The following TBC1D2B variants were observed in gnomAD, a reference collection of about 807,000 sequenced individuals.
The protein encoded by TBC1D2B is TBC1 domain family member 2B, also known as TBC1 domain family, member 2B.
A neutral mutation model predicts 100.8 loss-of-function variants in TBC1D2B; 64 were observed. That is an observed-to-expected ratio of 0.64 (90% CI 0.52 to 0.78). The LOEUF (loss-of-function observed/expected upper bound fraction) is 0.78, where lower values mean the gene tolerates loss of function less well. Among genes scored for constraint, TBC1D2B ranks in the 30% least tolerant of loss-of-function variants. The probability of loss-of-function intolerance (pLI) is 0.00; values close to 1 mark genes in which losing one functional copy is unlikely to be tolerated. For synonymous variants in TBC1D2B, 480 were observed against 479.7 expected (o/e 1.00, Z -0.01); for missense variants, 1,052 against 1,218.4 (o/e 0.86, Z 2.03).
At chr15:78,021,325 C>T (rs1365452598) in intron 6 of TBC1D2B, among the ~76,000 whole-genome samples, 1 of 151,660 alleles carries the variant, frequency 6.6e-6, no homozygotes, top group Non-Finnish European at 1.5e-5. Flanking sequence ...ATAAATATAT[C>T]TTAAATATAT....
rs1351526458 is a variant in TBC1D2B at position 78,077,277 on chromosome 15, G to A, written c.360+16C>T. ...CGGCGGAAGCGCGCGGGCGGCTTTG[G>A]GGCGAGCGGTCCCACCTTGAGCACC... On this transcript the variant is annotated intron_variant, in intron 1 of 12. Transcript: ENST00000300584. 6.9e-7 allele frequency: 1 copy of A among 1,452,424 alleles called. No individual in the cohort carries two copies. 90.0% of individuals were successfully genotyped at this position (1,452,424 alleles called of 1,614,324 possible).
At position 78,030,046 on chromosome 15, in the gene TBC1D2B, G is replaced by A; in HGVS notation, c.808C>T (p.Gln270Ter). 1 of 1,613,140 alleles carries A rather than the reference G, an allele frequency of 6.2e-7. No homozygotes were observed. The highest frequency in any genetic ancestry group is 8.5e-7 in the Non-Finnish European group (1 of 1,179,526). Residue 270 changes from glutamine (Q) to a stop codon, truncating the protein, a stop_gained, in exon 4 of 13, where the codon CAG (glutamine) becomes TAG (stop). Coordinates refer to ENST00000300584, the MANE Select transcript of TBC1D2B (RefSeq NM_144572.2). LOFTEE classifies it high-confidence loss of function. ...GGGGTCAGCTTCTTCTTTTCTTCCT[G>A]TACTATGGACTCCTCTAGGTCCTTA... ...TPKDLEESIV[Q>*]EEKKKLTPEG... is the part of the protein sequence containing the mutation.
chr15:78,024,085 G>A (rs1189928695), intron 6 of TBC1D2B, 71 bp downstream of exon 6: 13 of 1,505,684 alleles, frequency 8.6e-6, no homozygotes, highest in Middle Eastern at 4.4e-4. Context: ...ATCAGCTCAC[G>A]GAGGCCAGGC....
intron 9 of TBC1D2B, among the ~76,000 whole-genome samples, chr15:78,009,779 C>A (rs1260020136): frequency 1.3e-5 from 2 of 152,076 alleles, no homozygotes; most frequent in Non-Finnish European, 2.9e-5. Flanking sequence ...TTGAGACCAT[C>A]CTGGCTGACA....
intron 3 of TBC1D2B, among the ~76,000 whole-genome samples, chr15:78,041,121 G>C (rs1314073108): frequency 1.3e-5 from 2 of 151,966 alleles, no homozygotes; most frequent in African/African-American, 4.8e-5. Flanking sequence ...TTTTTTCTTT[G>C]ATTTTTCACG....
At chr15:78,021,065 C>T (rs1171889732) in intron 6 of TBC1D2B, among the ~76,000 whole-genome samples, 4 of 152,152 alleles carry the variant, frequency 2.6e-5, no homozygotes, top group Non-Finnish European at 5.9e-5. Context: ...TGGAAGGAAA[C>T]ATGGAGAAAT....
chr15:78,026,746 T>C (rs2072679115), intron 4 of TBC1D2B, among the ~76,000 whole-genome samples: 1 of 151,846 alleles, frequency 6.6e-6, no homozygotes, highest in South Asian at 2.1e-4. Context: ...AGAAACCCTG[T>C]CTCTACTAAA....
At chr15:78,069,496 TCTAA>T (rs369662216) in intron 1 of TBC1D2B, among the ~76,000 whole-genome samples, 105 of 152,374 alleles carry the variant, frequency 6.9e-4, no homozygotes, top group African/African-American at 1.6e-3. Context: ...ACGATAATCC[TCTAA>T]CTTAGTTACA....
At chr15:78,016,483 G>A in intron 8 of TBC1D2B, 63 bp downstream of exon 8, 13 of 1,491,764 alleles carry the variant, frequency 8.7e-6, no homozygotes, top group Middle Eastern at 2.4e-4. Flanking sequence ...AATGGTTCCT[G>A]CTGTTGAAAA....
intron 3 of TBC1D2B, among the ~76,000 whole-genome samples, chr15:78,038,554 G>A (rs2073003120): frequency 6.6e-6 from 1 of 152,200 alleles, no homozygotes; most frequent in Non-Finnish European, 1.5e-5. Context: ...TTCAGCCTAA[G>A]GCAATGAGAA....
intron 10 of TBC1D2B, among the ~76,000 whole-genome samples, chr15:78,004,811 A>G (rs988887696): frequency 6.6e-6 from 1 of 152,216 alleles, no homozygotes; most frequent in African/African-American, 2.4e-5. Context: ...CCTCCGTATA[A>G]GAGGGTTTCA....
chr15:78,004,318 G>A (rs1036622937), intron 10 of TBC1D2B, among the ~76,000 whole-genome samples: 23 of 152,316 alleles, frequency 1.5e-4, no homozygotes, highest in African/African-American at 5.5e-4. Flanking sequence ...TGGTAACGAT[G>A]TGTTCATACA....
At position 77,998,167 on chromosome 15, in the gene TBC1D2B, T is replaced by A; in HGVS notation, c.2885A>T (p.Asp962Val). The change falls in exon 13 of 13, where the codon GAT becomes GTT. Residue 962 changes from aspartate (D) to valine (V), a missense_variant. Asp to Val is a radical substitution (Grantham distance 152, BLOSUM62 -3). Transcript: ENST00000300584. ...KGELVSDEEE[D>V]T ...GCAGCATCCCGAGCCCACTCAGGTA[T>A]CCTCCTCCTCGTCACTGACCAGCTC... 6.5e-7 allele frequency: 1 copy of A among 1,534,158 alleles called. No homozygotes were observed. Among genetic ancestry groups the A allele is most frequent in the Non-Finnish European group, 8.8e-7 (1 of 1,136,774 alleles).
intron 8 of TBC1D2B, among the ~76,000 whole-genome samples, chr15:78,016,138 G>C (rs1211832573): frequency 6.6e-6 from 1 of 152,090 alleles, no homozygotes; most frequent in Non-Finnish European, 1.5e-5. Flanking sequence ...TCCAGATTTA[G>C]TGCTTTCCCC....
At chr15:78,019,903 G>C (rs12912112) in intron 6 of TBC1D2B, among the ~76,000 whole-genome samples, 93,389 of 138,322 alleles carry the variant, frequency 0.68, 29,778 homozygotes, top group Non-Finnish European at 0.74. Flanking sequence ...AAAAAAAAAG[G>C]GGGGGGGAGA....
At chr15:78,062,683 A>T (rs1250717972) in intron 1 of TBC1D2B, among the ~76,000 whole-genome samples, 1 of 152,230 alleles carries the variant, frequency 6.6e-6, no homozygotes, top group Non-Finnish European at 1.5e-5. Context: ...TTTTCTAGCC[A>T]ATTGGTAGAA....
At chr15:78,034,587 T>C in intron 3 of TBC1D2B, 1 of 984,966 alleles carries the variant, frequency 1.0e-6, no homozygotes, top group Non-Finnish European at 1.2e-6. Context: ...GAGAGAACAG[T>C]AATTTCAGTG....
chr15:78,030,613 A>G (rs1459124017), intron 3 of TBC1D2B, among the ~76,000 whole-genome samples: 1 of 152,130 alleles, frequency 6.6e-6, no homozygotes, highest in East Asian at 1.9e-4. Context: ...CCCAATCGAA[A>G]TGGGGATTCT....
chr15:78,018,897 T>C (rs545764927), intron 6 of TBC1D2B, among the ~76,000 whole-genome samples: 1 of 152,294 alleles, frequency 6.6e-6, no homozygotes, highest in South Asian at 2.1e-4. Context: ...GACTTCTAAA[T>C]GTTCTTTACA....
Sources: allele counts gnomAD v4.1 joint callset (sites outside exome capture counted in the v4.1 genomes callset), GRCh38; gene constraint gnomAD v4.1.1; transcripts MANE v1.5; gene names NCBI Gene and HGNC (gene_info 2026-07-23, HGNC 2026-07-21).